TTPAL: variants seen among roughly 807,000 people sequenced by gnomAD.
The protein encoded by TTPAL is alpha tocopherol transfer protein like.
Under a neutral mutation model 28.7 loss-of-function variants are expected in TTPAL, and 21 were observed. The observed-to-expected ratio is 0.73, with a 90% confidence interval of 0.52 to 1.06. The LOEUF is 1.06. Among genes scored for constraint, TTPAL ranks in the 50% least tolerant of loss-of-function variants. TTPAL has a pLI of 0.00. For missense variants in TTPAL, 345 were observed against 425.5 expected (o/e 0.81, Z 1.67); for synonymous variants, 169 against 171.9 (o/e 0.98, Z 0.13).
At chr20:44,484,198 A>G (rs565572977) in intron 2 of TTPAL, 139 bp from the exon 3 acceptor site, 25 of 540,572 alleles carry the variant, frequency 4.6e-5, no homozygotes, top group Non-Finnish European at 3.1e-6. Context: ...CCATTTACTA[A>G]CCTAAATAAG....
chr20:44,489,631 T>G lies in TTPAL; in HGVS notation c.*90T>G, dbSNP rs1208775926. 2.2e-6 allele frequency: 3 copies of G among 1,375,058 alleles called. No homozygotes were observed. Among genetic ancestry groups the G allele is most frequent in the Non-Finnish European group, 2.9e-6 (3 of 1,030,298 alleles). 85.2% of individuals were successfully genotyped at this position (1,375,058 alleles called of 1,614,324 possible). On this transcript the variant is annotated 3_prime_UTR_variant, in exon 5 of 5. Coordinates refer to ENST00000262605, the MANE Select transcript of TTPAL (RefSeq NM_001039199.3). The stretch of plus-strand genomic sequence containing the variant: ...ATTTAAGGGTCCATGGATTCAGTCT[T>G]GCTCCTTGTAATTAAACTGCAGGAT...
rs778082516 is a variant in TTPAL, at chr20:44,480,085, C to T, written c.86C>T (p.Pro29Leu). ...ENELPPPPEP[P>L]GYVCSLTEDL... ...GAGCTGCCACCACCACCTGAGCCTC[C>T]GGGCTATGTGTGCTCACTGACAGAA... The change falls in exon 2 of 5, where the codon CCG becomes CTG. Residue 29 changes from proline to leucine, a missense_variant. By Grantham distance (98) the Pro-to-Leu change is moderately conservative. Transcript: ENST00000262605. This position sits in a 1 kb window ranked among gnomAD's most constrained non-coding sequence, Gnocchi z 4.1. 1.9e-4 allele frequency: 299 copies of T among 1,614,076 alleles called. 1 individual carries two copies. The highest frequency in any genetic ancestry group is 2.4e-4 in the Non-Finnish European group (289 of 1,180,046).
At chr20:44,487,569 A>G (rs2064163721) in intron 4 of TTPAL, among the ~76,000 whole-genome samples, 1 of 152,214 alleles carries the variant, frequency 6.6e-6, no homozygotes, top group Admixed American at 6.5e-5. Flanking sequence ...GGAGCAATTC[A>G]AGGTTTACGA....
intron 1 of TTPAL, among the ~76,000 whole-genome samples, 177 bp from the exon 2 acceptor site, chr20:44,479,808 G>C (rs909048319): frequency 9.9e-5 from 15 of 152,200 alleles, no homozygotes; most frequent in African/African-American, 3.6e-4. Flanking sequence ...ACTAACAGCA[G>C]CCGGCCTGGG....
In TTPAL at chr20:44,492,196, G is replaced by A. The variant is rs559682253; in HGVS notation, c.*2655G>A. On this transcript the variant is annotated 3_prime_UTR_variant, in exon 5 of 5. Coordinates refer to ENST00000262605, the MANE Select transcript of TTPAL (RefSeq NM_001039199.3). ...GGTCTCCTTGTGGCTTCACCAGGATGTTTGTGTCAGGCTGTCTCAGCAGGG... is the reference window on the plus strand; with the variant it reads ...GGTCTCCTTGTGGCTTCACCAGGATATTTGTGTCAGGCTGTCTCAGCAGGG... 6.6e-6 allele frequency: 1 copy of A among 152,482 alleles called. No individual in the cohort carries two copies. Among genetic ancestry groups the A allele is most frequent in the South Asian group, 2.1e-4 (1 of 4,828 alleles). 9.4% of individuals were successfully genotyped at this position (152,482 alleles called of 1,614,324 possible).
At chr20:44,476,951 T>C (rs1311229107) in intron 1 of TTPAL, among the ~76,000 whole-genome samples, 1 of 152,198 alleles carries the variant, frequency 6.6e-6, no homozygotes, top group Non-Finnish European at 1.5e-5. Flanking sequence ...AACCCAGTTC[T>C]GTGGAAAACT....
At position 44,480,078 on chromosome 20, in the gene TTPAL, G is replaced by A; in HGVS notation, c.79G>A (p.Glu27Lys). The change falls in exon 2 of 5, where the codon GAG (glutamate) becomes AAG (lysine). Residue 27 changes from glutamate (E) to lysine (K), a missense_variant. Transcript: ENST00000262605. This position sits in a 1 kb window ranked among gnomAD's most constrained non-coding sequence, Gnocchi z 4.1. ...LSENELPPPP[E>K]PPGYVCSLTE... Reference sequence around the variant, plus strand: ...TGAAAATGAGCTGCCACCACCACCTGAGCCTCCGGGCTATGTGTGCTCACT... The same window carrying A: ...TGAAAATGAGCTGCCACCACCACCTAAGCCTCCGGGCTATGTGTGCTCACT... The A allele has an allele frequency of 6.2e-7, 1 of 1,614,186 alleles. No individual in the cohort carries two copies. The highest frequency in any genetic ancestry group is 8.5e-7 in the Non-Finnish European group (1 of 1,180,030).
At chr20:44,486,546 T>A (rs1413719634) in intron 3 of TTPAL, 50 bp from the exon 4 acceptor site, 13 of 1,082,432 alleles carry the variant, frequency 1.2e-5, no homozygotes, top group African/African-American at 3.1e-5. Flanking sequence ...GGGAGGAAGG[T>A]GTGGAAAGAT....
At position 44,489,669 on chromosome 20, in the gene TTPAL, T is replaced by C. The variant is rs2064187077; in HGVS notation, c.*128T>C. 3 of 1,065,944 alleles carry C rather than the reference T, an allele frequency of 2.8e-6. No homozygotes were observed. The highest frequency in any genetic ancestry group is 3.9e-6 in the Non-Finnish European group (3 of 760,326). 66.0% of individuals were successfully genotyped at this position (1,065,944 alleles called of 1,614,324 possible). A position where few individuals can be genotyped will look rare whatever the true frequency, so the allele number is the denominator to read the frequency against. On this transcript the variant is annotated 3_prime_UTR_variant, in exon 5 of 5. Coordinates refer to ENST00000262605, the MANE Select transcript of TTPAL (RefSeq NM_001039199.3). ...TAAACTGCAGGATGGAGGAACAGCC[T>C]GAGATATGAGCATGAGCCCATTTTG...
Position 44,489,366 on chromosome 20 carries a change from C to G in TTPAL, c.854C>G (p.Thr285Ser). 6 of 1,614,170 alleles carry G rather than the reference C, an allele frequency of 3.7e-6. No individual in the cohort carries two copies. The highest frequency in any genetic ancestry group is 5.1e-6 in the Non-Finnish European group (6 of 1,180,036). Residue 285 changes from threonine to serine, a missense_variant, in exon 5 of 5, where the codon ACC becomes AGC. By Grantham distance (58) the Thr-to-Ser change is moderately conservative (BLOSUM62 1). Coordinates refer to ENST00000262605, the MANE Select transcript of TTPAL (RefSeq NM_001039199.3). ...GGTAGELDTA[T>S]WNAVLLASED... ...ACGGCTGGGGAGCTGGACACTGCCA[C>G]CTGGAACGCGGTACTGCTGGCTTCA...
At chr20:44,485,290 C>T (rs6031627) in intron 3 of TTPAL, among the ~76,000 whole-genome samples, 23,493 of 152,006 alleles carry the variant, frequency 0.15, 2,263 homozygotes, top group African/African-American at 0.27. Flanking sequence ...TGTGGTGCTC[C>T]CTCCATATCT....
chr20:44,483,258 T>C (rs1475623532), intron 2 of TTPAL, among the ~76,000 whole-genome samples: 1 of 152,170 alleles, frequency 6.6e-6, no homozygotes, highest in Non-Finnish European at 1.5e-5. Flanking sequence ...CGTATTTCCA[T>C]TCAGGGGCCC....
rs2064036630 is a variant in TTPAL, at chr20:44,475,901, G to T, written c.-106G>T. 6.6e-6 allele frequency: 1 copy of T among 152,270 alleles called. No homozygotes were observed. Among genetic ancestry groups the T allele is most frequent in the South Asian group, 2.1e-4 (1 of 4,836 alleles). The allele number at this position is 152,270 out of a possible 1,614,324, so 9.4% of individuals were successfully genotyped here. ...CACTTCCGGCGCGAGAGGCCGGGCA[G>T]GCCGGGCAGGGAGTGCGGGTCGGTT... On this transcript the variant is annotated 5_prime_UTR_variant, in exon 1 of 5. It adds an upstream start codon to the 5' untranslated region. Transcript: ENST00000262605.
Position 44,484,490 on chromosome 20 carries a change from T to C in TTPAL, c.599T>C (p.Phe200Ser). Residue 200 changes from phenylalanine to serine, a missense_variant, in exon 3 of 5, where the codon TTT (phenylalanine) becomes TCT (serine). Physicochemically the swap from Phe to Ser is radical, Grantham distance 155. Coordinates refer to ENST00000262605, the MANE Select transcript of TTPAL (RefSeq NM_001039199.3). The stretch of plus-strand genomic sequence containing the variant: ...GTGAGTTTATCAAAAGCATCTCACT[T>C]TGGCCCTTTTATAGCCAAAAAGGTG... ...KGVSLSKASH[F>S]GPFIAKKVIG... 3 of 1,587,614 alleles carry C rather than the reference T, an allele frequency of 1.9e-6. No individual in the cohort carries two copies. Among genetic ancestry groups the C allele is most frequent in the South Asian group, 2.2e-5 (2 of 89,818 alleles).
At position 44,491,331 on chromosome 20, in the gene TTPAL, C is replaced by G. The variant is rs939637509; in HGVS notation, c.*1790C>G. The G allele has an allele frequency of 1.3e-5, 2 of 152,170 alleles. No homozygotes were observed. The highest frequency in any genetic ancestry group is 2.9e-5 in the Non-Finnish European group (2 of 68,020). The allele number at this position is 152,170 out of a possible 1,614,324, so 9.4% of individuals were successfully genotyped here. A position where few individuals can be genotyped will look rare whatever the true frequency, so the allele number is the denominator to read the frequency against. On this transcript the variant is annotated 3_prime_UTR_variant, in exon 5 of 5. Transcript: ENST00000262605. Reference sequence around the variant, plus strand: ...TGATGGTTTTTGACCTATTTCCTTTCTAATGTATTCCACATGATCATGGTG... The same window carrying G: ...TGATGGTTTTTGACCTATTTCCTTTGTAATGTATTCCACATGATCATGGTG...
chr20:44,489,651 C>T lies in TTPAL; in HGVS notation c.*110C>T, dbSNP rs932088864. ...AGTCTTGCTCCTTGTAATTAAACTG[C>T]AGGATGGAGGAACAGCCTGAGATAT... On this transcript the variant is annotated 3_prime_UTR_variant, in exon 5 of 5. Transcript: ENST00000262605. 1.6e-6 allele frequency: 2 copies of T among 1,228,532 alleles called. No individual in the cohort carries two copies. Among genetic ancestry groups the T allele is most frequent in the African/African-American group, 3.0e-5 (2 of 65,700 alleles). 76.1% of individuals were successfully genotyped at this position (1,228,532 alleles called of 1,614,324 possible).
chr20:44,489,748 C>A lies in TTPAL; in HGVS notation c.*207C>A. On this transcript the variant is annotated 3_prime_UTR_variant, in exon 5 of 5. Transcript: ENST00000262605. ...CCATGGAAGACATGGAAAATGTCCC[C>A]ACTGATTCTTAAACATTTGGAATCC... 1.8e-6 allele frequency: 1 copy of A among 564,900 alleles called. No homozygotes were observed. The highest frequency in any genetic ancestry group is 3.1e-6 in the Non-Finnish European group (1 of 323,000). 35.0% of individuals were successfully genotyped at this position (564,900 alleles called of 1,614,324 possible). A position where few individuals can be genotyped will look rare whatever the true frequency, so the allele number is the denominator to read the frequency against.
chr20:44,488,175 T>A (rs762381229), intron 4 of TTPAL, among the ~76,000 whole-genome samples: 1 of 152,218 alleles, frequency 6.6e-6, no homozygotes, highest in Non-Finnish European at 1.5e-5. Flanking sequence ...AAGATTTTGA[T>A]TCATCAGCTC....
chr20:44,488,135 C>G (rs2064169617), intron 4 of TTPAL, among the ~76,000 whole-genome samples: 1 of 152,144 alleles, frequency 6.6e-6, no homozygotes, highest in African/African-American at 2.4e-5. Flanking sequence ...AACTTGAAAT[C>G]CAGCTCCAGA....
Sources: gnomAD v4.1 joint callset for allele counts (sites outside exome capture counted in the v4.1 genomes callset) on GRCh38, gnomAD v4.1.1 for gene constraint, Gnocchi (gnomAD v3.1) non-coding constraint, MANE v1.5 for transcripts, NCBI Gene and HGNC (gene_info 2026-07-23, HGNC 2026-07-21) for gene names.